Variants in ROR1 observed in about 807,000 individuals in gnomAD.
The protein encoded by ROR1 is inactive tyrosine-protein kinase transmembrane receptor ROR1.
Under a neutral mutation model 78.8 loss-of-function variants are expected in ROR1, and 19 were observed. The observed-to-expected ratio is 0.24, with a 90% CI of 0.17 to 0.35. The LOEUF (loss-of-function observed/expected upper bound fraction) is 0.35, where lower values mean the gene tolerates loss of function less well. Ranked by LOEUF, ROR1 falls within the 10% of genes least tolerant of loss-of-function variation. The pLI is 1.00. For synonymous variants in ROR1, 386 were observed against 433.6 expected (o/e 0.89, Z 1.36); for missense variants, 917 against 1,177.8 (o/e 0.78, Z 3.24).
At chr1:63,783,976 C>A (rs1164205404) in intron 1 of ROR1, among the ~76,000 whole-genome samples, 2 of 152,068 alleles carry the variant, frequency 1.3e-5, no homozygotes, top group African/African-American at 2.4e-5. Flanking sequence ...GGATTTGAAC[C>A]TGCATATCCT....
At chr1:63,928,015 T>C (rs1645720242) in intron 1 of ROR1, among the ~76,000 whole-genome samples, 1 of 151,330 alleles carries the variant, frequency 6.6e-6, no homozygotes. Flanking sequence ...GGCAACTGCG[T>C]GGTTTTGAAC....
At chr1:63,911,168 C>A (rs1285367025) in intron 1 of ROR1, among the ~76,000 whole-genome samples, 3 of 152,118 alleles carry the variant, frequency 2.0e-5, no homozygotes, top group African/African-American at 7.2e-5. Context: ...TGTAGAATAA[C>A]CTCTGGAGTT....
intron 8 of ROR1, among the ~76,000 whole-genome samples, chr1:64,161,961 G>A (rs376527601): frequency 5.3e-5 from 8 of 152,076 alleles, no homozygotes; most frequent in Admixed American, 5.2e-4. Flanking sequence ...AATGTAAACA[G>A]AAAATCTCTA....
At chr1:63,803,886 C>T (rs1012983302) in intron 1 of ROR1, among the ~76,000 whole-genome samples, 7 of 152,024 alleles carry the variant, frequency 4.6e-5, no homozygotes, top group South Asian at 4.1e-4. Context: ...AATGAACTGT[C>T]GATGCACTCA....
chr1:64,079,137 G>A (rs1324358), intron 4 of ROR1, among the ~76,000 whole-genome samples: 22,445 of 152,152 alleles, frequency 0.15, 1,754 homozygotes, highest in Middle Eastern at 0.2. Context: ...GAGACAGAAC[G>A]AGGTCCAACA....
At chr1:64,029,225 C>T (rs756900277) in intron 2 of ROR1, among the ~76,000 whole-genome samples, 1 of 152,114 alleles carries the variant, frequency 6.6e-6, no homozygotes, top group Non-Finnish European at 1.5e-5. Flanking sequence ...TGGTACCTTG[C>T]ATATATTATC....
At chr1:64,144,496 C>A (rs1021361365) in intron 7 of ROR1, among the ~76,000 whole-genome samples, 1 of 152,194 alleles carries the variant, frequency 6.6e-6, no homozygotes, top group Non-Finnish European at 1.5e-5. Context: ...GGGTCAGGGG[C>A]AGTAGCCTCA....
chr1:63,806,634 GT>G (rs1644831810), intron 1 of ROR1, among the ~76,000 whole-genome samples: 1 of 152,156 alleles, frequency 6.6e-6, no homozygotes, highest in Non-Finnish European at 1.5e-5. Context: ...TTTAATTTTT[GT>G]AAATAATTTA....
chr1:63,910,313 A>G (rs560364898), intron 1 of ROR1, among the ~76,000 whole-genome samples: 3 of 152,330 alleles, frequency 2.0e-5, no homozygotes, highest in African/African-American at 7.2e-5. Flanking sequence ...ATTACTGACC[A>G]AGACAATGTC....
At chr1:63,840,281 GT>G (rs35330369) in intron 1 of ROR1, among the ~76,000 whole-genome samples, 139 of 139,646 alleles carry the variant, frequency 1.0e-3, no homozygotes, top group Middle Eastern at 3.8e-3. Context: ...TTGTCGTTTA[GT>G]TTTTTTTTTT....
chr1:63,786,552 G>A (rs1277203005), intron 1 of ROR1, among the ~76,000 whole-genome samples: 3 of 148,992 alleles, frequency 2.0e-5, no homozygotes, highest in East Asian at 2.0e-4. Context: ...GATTACAGGC[G>A]TGAGCCACCG....
intron 2 of ROR1, among the ~76,000 whole-genome samples, chr1:64,014,772 A>ATATATATATATATATATATATATATG (rs1646506778): frequency 1.3e-5 from 1 of 78,398 alleles, no homozygotes; most frequent in Non-Finnish European, 2.7e-5. Context: ...ATATATATAT[A>ATATATATATATATATATATATATATG]TACACATTTT....
chr1:64,029,050 CTTA>C (rs1646638982), intron 2 of ROR1: 1 of 152,086 alleles, frequency 6.6e-6, no homozygotes, highest in Admixed American at 6.5e-5. Flanking sequence ...CTATATCACT[CTTA>C]TGTCTTGTTT....
intron 1 of ROR1, among the ~76,000 whole-genome samples, chr1:63,952,427 G>A (rs1645947777): frequency 6.6e-6 from 1 of 152,154 alleles, no homozygotes; most frequent in Non-Finnish European, 1.5e-5. Flanking sequence ...GGGAAGGAGA[G>A]AGCATGGGAC....
intron 1 of ROR1, among the ~76,000 whole-genome samples, chr1:63,784,299 G>T (rs1644670974): frequency 6.6e-6 from 1 of 152,120 alleles, no homozygotes; most frequent in Non-Finnish European, 1.5e-5. Flanking sequence ...CTAAAACCCA[G>T]CCCCTTGGAC....
At chr1:64,022,528 C>T (rs569471332) in intron 2 of ROR1, among the ~76,000 whole-genome samples, 2 of 152,278 alleles carry the variant, frequency 1.3e-5, no homozygotes, top group South Asian at 2.1e-4. Context: ...AACATTGCAA[C>T]GCTAACTGTT....
chr1:64,107,479 G>A (rs537987046), intron 4 of ROR1, among the ~76,000 whole-genome samples: 2 of 152,182 alleles, frequency 1.3e-5, no homozygotes, highest in East Asian at 1.9e-4. Flanking sequence ...CTTTTTCATC[G>A]TCTTTGCTGT....
rs11801444 is a variant in ROR1, at chr1:64,104,816, A to G, written c.483-32553A>G. 5.0e-3 allele frequency among the ~76,000 whole-genome samples: 768 copies of G among 152,320 alleles called. 9 individuals are homozygous for G. The highest frequency in any genetic ancestry group is 0.018 in the African/African-American group (737 of 41,568). On this transcript the variant is annotated intron_variant, in intron 4 of 8. Transcript: ENST00000371079. ...TCATTCCTTTTTATGGCTGCATAGT[A>G]TTCCATGGTGTATATGTACCACATT...
intron 1 of ROR1, among the ~76,000 whole-genome samples, chr1:63,819,311 C>T (rs1644910998): frequency 6.6e-6 from 1 of 152,082 alleles, no homozygotes; most frequent in African/African-American, 2.4e-5. Context: ...TCTTTTCTTC[C>T]TGGGGAAGAA....
Sources: allele counts gnomAD v4.1 joint callset (sites outside exome capture counted in the v4.1 genomes callset), GRCh38; gene constraint gnomAD v4.1.1; transcripts MANE v1.5; gene names NCBI Gene and HGNC (gene_info 2026-07-23, HGNC 2026-07-21).